The following NAV2 variants were observed in gnomAD, a reference collection of about 807,000 sequenced individuals.
NAV2 encodes neuron navigator 2.
NAV2 carries 54 observed loss-of-function variants against 223.2 expected under a neutral mutation model. The observed-to-expected ratio is 0.24, with a 90% CI of 0.19 to 0.30. NAV2 has a LOEUF of 0.30. NAV2 is among the 10% of genes least tolerant of loss of function. NAV2 has a pLI of 1.00. For missense variants in NAV2, 2,806 were observed against 3,147.5 expected, an observed-to-expected ratio of 0.89 and a Z score of 2.60; for synonymous variants, 1,279 against 1,239.3, an observed-to-expected ratio of 1.03 and a Z score of -0.67.
At chr11:19,741,398 T>A (rs7949649) in intron 1 of NAV2, among the ~76,000 whole-genome samples, 124,072 of 151,274 alleles carry the variant, frequency 0.82, 52,222 homozygotes, top group Middle Eastern at 0.93. Context: ...GTCCCCTTTG[T>A]TCTATATCTC....
intron 1 of NAV2, among the ~76,000 whole-genome samples, chr11:19,831,228 G>C (rs745956446): frequency 6.3e-5 from 7 of 111,016 alleles, no homozygotes; most frequent in African/African-American, 1.5e-4. Context: ...TGTTGCGGGG[G>C]GGGGGGGGGC....
chr11:19,439,099 C>T (rs1308874371), intron 1 of NAV2, among the ~76,000 whole-genome samples: 2 of 152,054 alleles, frequency 1.3e-5, no homozygotes, highest in Admixed American at 6.6e-5. Context: ...CAAAGGGTCA[C>T]CTCATTATCA....
At chr11:20,094,957 G>A (rs1193858249) in intron 29 of NAV2, among the ~76,000 whole-genome samples, 1 of 152,178 alleles carries the variant, frequency 6.6e-6, no homozygotes, top group Admixed American at 6.5e-5. Flanking sequence ...CTGGTTAGCT[G>A]CCACTACGCA....
intron 4 of NAV2, 79 bp downstream of exon 4, chr11:19,869,076 C>G (rs1191081292): frequency 7.4e-7 from 1 of 1,345,518 alleles, no homozygotes; most frequent in African/African-American, 1.4e-5. Flanking sequence ...GATATTAACA[C>G]CATTATGACA....
intron 1 of NAV2, among the ~76,000 whole-genome samples, chr11:19,636,514 G>A (rs908859563): frequency 6.7e-5 from 10 of 148,600 alleles, no homozygotes; most frequent in South Asian, 2.1e-4. Context: ...TTTTTGAGAC[G>A]GAGTCTCGCT....
chr11:19,612,807 G>A (rs572846860), intron 1 of NAV2, among the ~76,000 whole-genome samples: 42 of 152,254 alleles, frequency 2.8e-4, no homozygotes, highest in African/African-American at 1.0e-3. Flanking sequence ...ACCTCTGCCT[G>A]TTACCAAGTT....
chr11:19,863,747 A>G lies in NAV2; in HGVS notation c.439-5178A>G, dbSNP rs116965879. On this transcript the variant is annotated intron_variant, in intron 3 of 37. Transcript: ENST00000349880. ...AGTAACCATAACAGCTTGTCATCAT[A>G]TACTTATTTGTGCTTTCTTTATTAA... Among the ~76,000 whole-genome samples, 367 of 152,244 alleles carry G rather than the reference A, an allele frequency of 2.4e-3. 3 individuals are homozygous for G. The highest frequency in any genetic ancestry group is 4.6e-3 in the Non-Finnish European group (310 of 68,020).
At chr11:19,835,940 A>G (rs1169099984) in intron 2 of NAV2, among the ~76,000 whole-genome samples, 1 of 152,084 alleles carries the variant, frequency 6.6e-6, no homozygotes. Context: ...TAGCTCCCCG[A>G]CACAGAACCA....
chr11:19,979,529 C>A (rs147205521), intron 10 of NAV2, among the ~76,000 whole-genome samples: 1 of 152,340 alleles, frequency 6.6e-6, no homozygotes, highest in Non-Finnish European at 1.5e-5. Flanking sequence ...TTTTGGCTGG[C>A]AAACTCCTCC....
At chr11:20,092,966 T>TGGGGGGGGGGGGGGGGGGGGGG in intron 28 of NAV2, 133 bp from the exon 29 acceptor site, 1 of 285,924 alleles carries the variant, frequency 3.5e-6, no homozygotes, top group Non-Finnish European at 7.2e-6. Context: ...CCCTCTCCTC[T>TGGGGGGGGGGGGGGGGGGGGGG]TCCCCTACCC....
chr11:19,927,092 A>C (rs1033830517), intron 6 of NAV2, among the ~76,000 whole-genome samples: 2 of 152,190 alleles, frequency 1.3e-5, no homozygotes, highest in African/African-American at 4.8e-5. Context: ...TTCCCTCCCA[A>C]CCGGAGGATT....
At chr11:19,498,881 C>T (rs1171382948) in intron 1 of NAV2, among the ~76,000 whole-genome samples, 1 of 152,210 alleles carries the variant, frequency 6.6e-6, no homozygotes, top group East Asian at 1.9e-4. Context: ...AGGTTTAATT[C>T]ACTAGGTTGA....
intron 1 of NAV2, among the ~76,000 whole-genome samples, chr11:19,792,270 T>G (rs1002289282): frequency 3.3e-5 from 5 of 152,208 alleles, no homozygotes; most frequent in Non-Finnish European, 7.3e-5. Context: ...TGCCTCTCCC[T>G]TCTCCCATAA....
In NAV2 at chr11:19,984,239, C is replaced by T. The variant is rs143699420; in HGVS notation, c.2760C>T (p.Asp920=). 73 of 1,614,010 alleles carry T rather than the reference C, an allele frequency of 4.5e-5. No individual in the cohort carries two copies. The highest frequency in any genetic ancestry group is 9.3e-5 in the African/African-American group (7 of 74,930). The stretch of plus-strand genomic sequence containing the variant: ...GAAATACCTCCCTGGGCCTCGGAGA[C>T]GCTGACAGGTAAGCTTGCTGCACTT... The part of the protein sequence containing the change: ...LQRNTSLGLG[D]ADSWDDSSSV... Residue 920 remains aspartate, a synonymous_variant, in exon 11 of 38, where the codon GAC becomes GAT. Transcript: ENST00000349880.
chr11:19,820,325 T>C (rs2059306644), intron 1 of NAV2, among the ~76,000 whole-genome samples: 1 of 152,226 alleles, frequency 6.6e-6, no homozygotes, highest in South Asian at 2.1e-4. Flanking sequence ...ATGCATCTGA[T>C]TAGTCAGTAA....
intron 1 of NAV2, among the ~76,000 whole-genome samples, chr11:19,513,148 C>T (rs1190806764): frequency 6.6e-6 from 1 of 152,186 alleles, no homozygotes; most frequent in Admixed American, 6.5e-5. Context: ...AGACTTGCTT[C>T]TGCTGCAGCA....
chr11:20,097,509 G>C, intron 30 of NAV2, 68 bp from the exon 31 acceptor site: 3 of 1,256,026 alleles, frequency 2.4e-6, no homozygotes, highest in Non-Finnish European at 3.3e-6. Flanking sequence ...ATCACCCAGG[G>C]AAAACATGAG....
chr11:19,465,299 C>T (rs1462743064), intron 1 of NAV2, among the ~76,000 whole-genome samples: 1 of 152,166 alleles, frequency 6.6e-6, no homozygotes, highest in African/African-American at 2.4e-5. Flanking sequence ...GAGGACTACC[C>T]GGCCATGGTG....
chr11:19,847,346 G>T (rs993734676), intron 3 of NAV2, among the ~76,000 whole-genome samples: 3 of 152,194 alleles, frequency 2.0e-5, no homozygotes, highest in Non-Finnish European at 1.5e-5. Flanking sequence ...AGGGAGGCTT[G>T]CTTGCCTTTT....
Sources: gnomAD v4.1 joint callset for allele counts (sites outside exome capture counted in the v4.1 genomes callset) on GRCh38, gnomAD v4.1.1 for gene constraint, MANE v1.5 for transcripts, NCBI Gene and HGNC (gene_info 2026-07-23, HGNC 2026-07-21) for gene names.